The following CCDC83 variants were observed in gnomAD, a reference collection of about 807,000 sequenced individuals.
The protein encoded by CCDC83 is coiled-coil domain-containing protein 83.
CCDC83 carries 54 observed loss-of-function variants against 50.1 expected under a neutral mutation model. The ratio of observed to expected loss-of-function variants is 1.08; its 90% CI spans 0.87 to 1.35. The LOEUF (loss-of-function observed/expected upper bound fraction) is 1.35. Ranked by LOEUF, CCDC83 falls within the 40% of genes most tolerant of loss-of-function variation. The pLI is 0.00. For synonymous variants in CCDC83, 161 were observed against 153.3 expected, an observed-to-expected ratio of 1.05 and a Z score of -0.37; for missense variants, 518 against 473.9, an observed-to-expected ratio of 1.09 and a Z score of -0.86.
intron 3 of CCDC83, among the ~76,000 whole-genome samples, chr11:85,874,073 C>G (rs2093255598): frequency 6.6e-6 from 1 of 152,150 alleles, no homozygotes; most frequent in South Asian, 2.1e-4. Context: ...TCATTTTGGT[C>G]AGATTTGGTA....
At chr11:85,857,668 C>A (rs936295002) in intron 1 of CCDC83, among the ~76,000 whole-genome samples, 2 of 152,176 alleles carry the variant, frequency 1.3e-5, no homozygotes, top group Non-Finnish European at 2.9e-5. Context: ...CTCCGGCTGC[C>A]AGGAGTCCCT....
At chr11:85,890,289 G>A (rs1035654431) in intron 5 of CCDC83, among the ~76,000 whole-genome samples, 2 of 152,188 alleles carry the variant, frequency 1.3e-5, no homozygotes, top group Non-Finnish European at 2.9e-5. Context: ...CTGCACTCCC[G>A]AGTTTGTCAG....
At chr11:85,906,610 G>A (rs182913404) in intron 7 of CCDC83, among the ~76,000 whole-genome samples, 291 of 152,318 alleles carry the variant, frequency 1.9e-3, no homozygotes, top group South Asian at 4.1e-3. Context: ...TGGGCATGGT[G>A]GCTCCCACCT....
chr11:85,919,138 A>T (rs2093496739), intron 10 of CCDC83, among the ~76,000 whole-genome samples: 2 of 152,182 alleles, frequency 1.3e-5, no homozygotes, highest in South Asian at 4.1e-4. Flanking sequence ...CCTACTGTGT[A>T]TGCCCTACTG....
At chr11:85,900,899 T>C (rs1189972885) in intron 7 of CCDC83, among the ~76,000 whole-genome samples, 2 of 150,930 alleles carry the variant, frequency 1.3e-5, no homozygotes, top group Non-Finnish European at 3.0e-5. Context: ...ACCTCATCTC[T>C]ACTAAAAATA....
chr11:85,861,611 G>T (rs535888910), intron 1 of CCDC83, among the ~76,000 whole-genome samples: 4 of 152,142 alleles, frequency 2.6e-5, no homozygotes, highest in Non-Finnish European at 5.9e-5. Context: ...TATATGTCCA[G>T]AAAGGTATTA....
At chr11:85,910,089 G>A (rs2093446347) in intron 7 of CCDC83, among the ~76,000 whole-genome samples, 1 of 152,124 alleles carries the variant, frequency 6.6e-6, no homozygotes, top group Non-Finnish European at 1.5e-5. Flanking sequence ...AGCCTCCTGT[G>A]TCTGCCCAGG....
At chr11:85,897,054 T>C (rs769612574) in intron 6 of CCDC83, among the ~76,000 whole-genome samples, 1 of 152,268 alleles carries the variant, frequency 6.6e-6, no homozygotes, top group Non-Finnish European at 1.5e-5. Context: ...GCAATTCAGC[T>C]ACTTTGTAAG....
At chr11:85,889,289 T>C (rs1483610435) in intron 5 of CCDC83, among the ~76,000 whole-genome samples, 2 of 152,186 alleles carry the variant, frequency 1.3e-5, no homozygotes, top group African/African-American at 4.8e-5. Flanking sequence ...TAGGCAGAGG[T>C]TGCAGTGAGC....
At chr11:85,872,355 G>A (rs2093243283) in intron 2 of CCDC83, among the ~76,000 whole-genome samples, 1 of 152,100 alleles carries the variant, frequency 6.6e-6, no homozygotes, top group South Asian at 2.1e-4. Context: ...TGTGGGGGCA[G>A]GCGCCTATAA....
chr11:85,897,763 G>T (rs892693186), intron 6 of CCDC83, among the ~76,000 whole-genome samples: 52 of 152,184 alleles, frequency 3.4e-4, no homozygotes, highest in African/African-American at 1.2e-3. Context: ...GTTGTAACTG[G>T]AGTATAAAAA....
intron 6 of CCDC83, among the ~76,000 whole-genome samples, chr11:85,898,685 C>T (rs943597167): frequency 2.0e-5 from 3 of 152,210 alleles, no homozygotes; most frequent in African/African-American, 7.2e-5. Flanking sequence ...CAGTCAGATT[C>T]GGTCACAATG....
intron 2 of CCDC83, among the ~76,000 whole-genome samples, chr11:85,866,735 T>C (rs1259137741): frequency 3.9e-5 from 6 of 152,072 alleles, no homozygotes; most frequent in African/African-American, 1.4e-4. Context: ...AGGGTGCTGT[T>C]TAACAGTGTA....
In CCDC83 at chr11:85,919,934, C is replaced by T. The variant is rs1004123402; in HGVS notation, c.*424C>T. 5.7e-6 allele frequency: 1 copy of T among 175,740 alleles called. No homozygotes were observed. Among genetic ancestry groups the T allele is most frequent in the African/African-American group, 2.4e-5 (1 of 41,590 alleles). 10.9% of individuals were successfully genotyped at this position (175,740 alleles called of 1,614,324 possible). A position where few individuals can be genotyped will look rare whatever the true frequency, so the allele number is the denominator to read the frequency against. On this transcript the variant is annotated 3_prime_UTR_variant, in exon 11 of 11. Coordinates refer to ENST00000342404, the MANE Select transcript of CCDC83 (RefSeq NM_001286159.2). ...TGTGATAGACAGCCAGTCTATAATG[C>T]AAGCCAATTCTCCGTAGTTTAACCC...
At chr11:85,872,144 G>A (rs897658391) in intron 2 of CCDC83, among the ~76,000 whole-genome samples, 1 of 151,988 alleles carries the variant, frequency 6.6e-6, no homozygotes, top group African/African-American at 2.4e-5. Flanking sequence ...GTAGGGACAG[G>A]GTTTTGCCAT....
chr11:85,917,255 A>AAAGGAAGG (rs756931895), intron 10 of CCDC83, among the ~76,000 whole-genome samples: 7 of 137,500 alleles, frequency 5.1e-5, no homozygotes, highest in African/African-American at 1.9e-4. Flanking sequence ...GGGAAGGAGG[A>AAAGGAAGG]AAGGAAGGAA....
At chr11:85,859,401 C>A (rs748561686) in intron 1 of CCDC83, among the ~76,000 whole-genome samples, 1 of 152,120 alleles carries the variant, frequency 6.6e-6, no homozygotes, top group Non-Finnish European at 1.5e-5. Context: ...AGGGGAATCA[C>A]ACTACCCAAC....
chr11:85,882,476 T>A (rs1180751785), intron 3 of CCDC83, 37 bp from the exon 4 acceptor site: 1 of 1,606,312 alleles, frequency 6.2e-7, no homozygotes, highest in Non-Finnish European at 8.5e-7. Context: ...GTGTACATAG[T>A]TGATCAAACG....
intron 3 of CCDC83, among the ~76,000 whole-genome samples, chr11:85,875,079 C>T (rs978684643): frequency 2.0e-5 from 3 of 152,162 alleles, no homozygotes; most frequent in African/African-American, 7.2e-5. Context: ...CAGGGGTGGT[C>T]CCCCTACCCA....
Sources: allele counts gnomAD v4.1 joint callset (sites outside exome capture counted in the v4.1 genomes callset), GRCh38; gene constraint gnomAD v4.1.1; transcripts MANE v1.5; gene names NCBI Gene and HGNC (gene_info 2026-07-23, HGNC 2026-07-21).